NUMB: variants seen among roughly 807,000 people sequenced by gnomAD.
The protein encoded by NUMB is protein numb homolog.
In NUMB, 29 loss-of-function variants were observed where a neutral mutation model predicts 59.7. That is an observed-to-expected ratio of 0.49 (90% CI 0.36 to 0.66). NUMB has a LOEUF of 0.66. NUMB is among the 30% of genes least tolerant of loss of function. NUMB has a pLI of 0.00. For missense variants in NUMB, 723 were observed against 822.0 expected (o/e 0.88, Z 1.47); for synonymous variants, 288 against 288.2 (o/e 1.00, Z 0.01).
chr14:73,417,626 TG>T (rs1897186650), intron 1 of NUMB, among the ~76,000 whole-genome samples: 1 of 151,976 alleles, frequency 6.6e-6, no homozygotes, highest in Admixed American at 6.6e-5. Flanking sequence ...AAGCATATGG[TG>T]GTTACTCAAA....
Position 73,276,207 on chromosome 14 carries a change from CA to C in NUMB, c.*370del, listed in dbSNP as rs1400357482. 2 of 188,538 alleles carry C rather than the reference CA, an allele frequency of 1.1e-5. No individual in the cohort carries two copies. Among genetic ancestry groups the C allele is most frequent in the Admixed American group, 5.4e-5 (1 of 18,678 alleles). The allele number at this position is 188,538 out of a possible 1,614,324, so 11.7% of individuals were successfully genotyped here. A position where few individuals can be genotyped will look rare whatever the true frequency, so the allele number is the denominator to read the frequency against. On this transcript the variant is annotated 3_prime_UTR_variant, in exon 13 of 13. Coordinates refer to ENST00000555238, the MANE Select transcript of NUMB (RefSeq NM_001005743.2). ...GGAGGCAGGTGAATGGCCTGAAAAACAAAGGGAGATTGCTTTGCTTCCTGTT... is the reference window on the plus strand; with the variant it reads ...GGAGGCAGGTGAATGGCCTGAAAAACAAGGGAGATTGCTTTGCTTCCTGTT...
intron 4 of NUMB, among the ~76,000 whole-genome samples, chr14:73,330,684 C>T (rs1261122527): frequency 6.6e-6 from 1 of 152,196 alleles, no homozygotes; most frequent in Non-Finnish European, 1.5e-5. Flanking sequence ...TATATGTCTT[C>T]GCTTTTTAAG....
chr14:73,284,053 C>A (rs1163424055), intron 10 of NUMB, 28 bp downstream of exon 10: 3 of 1,604,150 alleles, frequency 1.9e-6, no homozygotes, highest in South Asian at 2.2e-5. Context: ...GCTCGAGTAC[C>A]CAGTGAGTCA....
In NUMB at chr14:73,399,969, A is replaced by T. The variant is rs144290581; in HGVS notation, c.-101+9968T>A. Among the ~76,000 whole-genome samples, 703 of 151,766 alleles carry T rather than the reference A, an allele frequency of 4.6e-3. 5 individuals are homozygous for T. The highest frequency in any genetic ancestry group is 0.03 in the South Asian group (143 of 4,794). On this transcript the variant is annotated intron_variant, in intron 2 of 12. Transcript: ENST00000555238. The stretch of plus-strand genomic sequence containing the variant: ...CAGGAGAATCGTTTGAACGCAGGAG[A>T]TGGAGGTTGCAGTGAGCTGAGATCG...
chr14:73,451,446 A>C (rs548365428), intron 1 of NUMB, among the ~76,000 whole-genome samples: 2 of 151,350 alleles, frequency 1.3e-5, no homozygotes, highest in Admixed American at 1.3e-4. Context: ...AAAAAAAAAA[A>C]AAAAAACCTA....
intron 2 of NUMB, among the ~76,000 whole-genome samples, chr14:73,401,563 A>ATTTTTTT (rs1164847403): frequency 2.7e-5 from 3 of 110,054 alleles, no homozygotes; most frequent in East Asian, 2.4e-4. Context: ...GTAAGACTAA[A>ATTTTTTT]TTTTTTTTTT....
intron 6 of NUMB, among the ~76,000 whole-genome samples, chr14:73,315,271 T>C (rs972562728): frequency 2.0e-5 from 3 of 152,102 alleles, no homozygotes; most frequent in African/African-American, 7.2e-5. Context: ...AGAAAAAAAA[T>C]TGTAGGATTT....
intron 4 of NUMB, among the ~76,000 whole-genome samples, chr14:73,352,503 TATATATATATATATATATATATATA>T (rs1566756232): frequency 0.015 from 213 of 14,210 alleles, 26 homozygotes; most frequent in African/African-American, 0.035. Flanking sequence ...TATATATATA[TATATATATATATATATATATATATA>T]TGTTTTTTTT....
intron 4 of NUMB, among the ~76,000 whole-genome samples, chr14:73,333,674 A>G (rs1892119589): frequency 6.6e-6 from 1 of 151,966 alleles, no homozygotes; most frequent in Non-Finnish European, 1.5e-5. Context: ...CTCCCATTCT[A>G]TAGCTTCTTT....
chr14:73,352,849 G>A (rs1893491596), intron 4 of NUMB, among the ~76,000 whole-genome samples: 1 of 150,556 alleles, frequency 6.6e-6, no homozygotes, highest in Non-Finnish European at 1.5e-5. Flanking sequence ...CCCTGTAATA[G>A]TATATTGTTA....
At chr14:73,282,638 G>C in intron 10 of NUMB, 133 bp from the exon 11 acceptor site, 1 of 954,610 alleles carries the variant, frequency 1.0e-6, no homozygotes, top group Non-Finnish European at 1.5e-6. Context: ...CTGTATGGCA[G>C]GGCTACAAAA....
Position 73,279,381 on chromosome 14 carries a change from G to A in NUMB, c.1140C>T (p.Ala380=), listed in dbSNP as rs931370780. ...TTGCTACGGGTGCTAGAGCAGTATGGGCTGGCTTAGCAAGCACATGGAAGG... is the reference window on the plus strand; with the variant it reads ...TTGCTACGGGTGCTAGAGCAGTATGAGCTGGCTTAGCAAGCACATGGAAGG... The part of the protein sequence containing the change: ...DSAFHVLAKP[A]HTALAPVAMP... The change falls in exon 12 of 13, where the codon GCC becomes GCT. Residue 380 remains alanine, a synonymous_variant. Coordinates refer to ENST00000555238, the MANE Select transcript of NUMB (RefSeq NM_001005743.2). 4 of 1,606,778 alleles carry A rather than the reference G, an allele frequency of 2.5e-6. No individual in the cohort carries two copies. The highest frequency in any genetic ancestry group is 2.2e-5 in the South Asian group (2 of 89,840).
In NUMB at chr14:73,410,011, A is replaced by T. The variant is rs1244957650; in HGVS notation, c.-175T>A. 1 of 152,238 alleles carries T rather than the reference A, an allele frequency of 6.6e-6. No individual in the cohort carries two copies. Among genetic ancestry groups the T allele is most frequent in the African/African-American group, 2.4e-5 (1 of 41,472 alleles). The allele number at this position is 152,238 out of a possible 1,614,324, so 9.4% of individuals were successfully genotyped here. On this transcript the variant is annotated 5_prime_UTR_variant, in exon 2 of 13. Coordinates refer to ENST00000555238, the MANE Select transcript of NUMB (RefSeq NM_001005743.2). Reference sequence around the variant, plus strand: ...CTATGGATATAGATCAAGATCTTGAATTGTAACAGTGGCTGCACTGGCACT... The same window carrying T: ...CTATGGATATAGATCAAGATCTTGATTTGTAACAGTGGCTGCACTGGCACT...
intron 6 of NUMB, among the ~76,000 whole-genome samples, chr14:73,304,705 A>G (rs1176113989): frequency 6.6e-6 from 1 of 152,172 alleles, no homozygotes; most frequent in Admixed American, 6.5e-5. Flanking sequence ...CTTTTATTTC[A>G]TCAGTATAAT....
At chr14:73,429,249 G>T (rs972878781) in intron 1 of NUMB, among the ~76,000 whole-genome samples, 1 of 152,118 alleles carries the variant, frequency 6.6e-6, no homozygotes, top group Non-Finnish European at 1.5e-5. Flanking sequence ...GCGAGCACCT[G>T]AAGTCCCAGC....
In NUMB at chr14:73,387,747, AAAAACAAACAAAC is replaced by A. The variant is rs376325368; in HGVS notation, c.-100-20779_-100-20767del. The stretch of plus-strand genomic sequence containing the variant: ...TACCCAATCTCAAAAAAAAAAAAAC[AAAAACAAACAAAC>A]AAAAAAAAAACCAAAAAGGCCACTA... On this transcript the variant is annotated intron_variant, in intron 2 of 12. Transcript: ENST00000555238. Among the ~76,000 whole-genome samples the A allele has an allele frequency of 3.7e-4, 53 of 141,610 alleles. 1 individual carries two copies. Among genetic ancestry groups the A allele is most frequent in the African/African-American group, 1.6e-3 (52 of 32,100 alleles). The allele number at this position is 141,610 out of a possible 152,430, so 92.9% of individuals were successfully genotyped here.
intron 1 of NUMB, among the ~76,000 whole-genome samples, chr14:73,433,750 T>C (rs544565671): frequency 6.6e-6 from 1 of 152,030 alleles, no homozygotes; most frequent in South Asian, 2.1e-4. Context: ...GACAGGAGTA[T>C]AGGTAGTAAA....
At chr14:73,379,997 CAG>C (rs1314051706) in intron 2 of NUMB, among the ~76,000 whole-genome samples, 1 of 152,112 alleles carries the variant, frequency 6.6e-6, no homozygotes, top group African/African-American at 2.4e-5. Flanking sequence ...GATCATAAAA[CAG>C]GGAACCAGTT....
intron 7 of NUMB, 92 bp from the exon 8 acceptor site, chr14:73,292,966 A>T: frequency 8.2e-7 from 1 of 1,213,144 alleles, no homozygotes; most frequent in Non-Finnish European, 1.2e-6. Flanking sequence ...TGCACAATCC[A>T]TACATCTGAT....
Sources: allele counts gnomAD v4.1 joint callset (sites outside exome capture counted in the v4.1 genomes callset), GRCh38; gene constraint gnomAD v4.1.1; transcripts MANE v1.5; gene names NCBI Gene and HGNC (gene_info 2026-07-23, HGNC 2026-07-21).